Variants in PLSCR2 observed in about 807,000 individuals in gnomAD.
PLSCR2 encodes PL scramblase 2.
PLSCR2 carries 18 observed loss-of-function variants against 25.3 expected under a neutral mutation model. The ratio of observed to expected loss-of-function variants is 0.71; its 90% confidence interval spans 0.49 to 1.06. The LOEUF is 1.06. Among genes scored for constraint, PLSCR2 ranks in the 50% least tolerant of loss-of-function variants. The pLI, the probability that PLSCR2 is intolerant of heterozygous loss-of-function variation, is 0.00. For missense variants in PLSCR2, 243 were observed against 269.5 expected (o/e 0.90, Z 0.69); for synonymous variants, 88 against 87.3 (o/e 1.01, Z -0.04).
chr3:146,423,259 CT>C (rs2039216066), intron 2 of PLSCR2, among the ~76,000 whole-genome samples: 1 of 144,838 alleles, frequency 6.9e-6, no homozygotes, highest in Non-Finnish European at 1.5e-5. Context: ...CTCTCTCTCT[CT>C]CTCTCTCTCT....
intron 1 of PLSCR2, among the ~76,000 whole-genome samples, chr3:146,468,809 AAAAC>A (rs148467341): frequency 0.22 from 33,287 of 152,052 alleles, 3,955 homozygotes; most frequent in Admixed American, 0.32. Flanking sequence ...ATTTCGTTGA[AAAAC>A]AAACAAAAAA....
chr3:146,435,542 G>C (rs575573194), intron 8 of PLSCR2, among the ~76,000 whole-genome samples: 2 of 152,014 alleles, frequency 1.3e-5, no homozygotes, highest in South Asian at 2.1e-4. Flanking sequence ...GCATTTTTTC[G>C]TGTGTCTGTT....
At chr3:146,430,343 C>A (rs928588944), downstream of PLSCR2, among the ~76,000 whole-genome samples, 5 of 152,052 alleles carry the variant, frequency 3.3e-5, no homozygotes, top group African/African-American at 1.2e-4. Flanking sequence ...AAACACAGGG[C>A]TTGAAAGAGA....
chr3:146,412,597 C>T (rs749129207), intron 2 of PLSCR2, among the ~76,000 whole-genome samples: 79 of 152,082 alleles, frequency 5.2e-4, no homozygotes, highest in Non-Finnish European at 1.0e-3. Flanking sequence ...GTGCCACAAA[C>T]GAAATAGCAC....
chr3:146,439,421 G>C (rs1015394072), downstream of PLSCR2, among the ~76,000 whole-genome samples: 3 of 152,130 alleles, frequency 2.0e-5, no homozygotes, highest in Admixed American at 2.0e-4. Context: ...CCAATCAGAC[G>C]TGGATTTGGT....
chr3:146,436,447 C>A (rs1042708488), intron 8 of PLSCR2, among the ~76,000 whole-genome samples: 1 of 152,142 alleles, frequency 6.6e-6, no homozygotes, highest in African/African-American at 2.4e-5. Flanking sequence ...TCTTTTATTT[C>A]GTTGAGAAGT....
downstream of PLSCR2, among the ~76,000 whole-genome samples, chr3:146,437,452 C>T (rs1352406937): frequency 1.3e-5 from 2 of 152,078 alleles, no homozygotes; most frequent in Non-Finnish European, 2.9e-5. Context: ...ATTTCAGAAC[C>T]TGTTATTGGT....
At chr3:146,441,739 A>C (rs1251912667), downstream of PLSCR2, 1 of 1,345,296 alleles carries the variant, frequency 7.4e-7, no homozygotes, top group Non-Finnish European at 1.0e-6. Context: ...CAGACTTCAA[A>C]TTTTCTGAGG....
chr3:146,449,262 G>C (rs566667604), exon 6 of PLSCR2: 1 of 1,612,828 alleles, frequency 6.2e-7, no homozygotes, highest in East Asian at 2.2e-5. Flanking sequence ...AGGTCTCTAG[G>C]GAATTGGATT....
intron 2 of PLSCR2, among the ~76,000 whole-genome samples, chr3:146,404,120 T>C (rs7613954): frequency 0.26 from 39,402 of 152,048 alleles, 5,318 homozygotes; most frequent in Admixed American, 0.34. Context: ...AGGGACCACA[T>C]GCATCAGGGA....
chr3:146,484,829 C>CA (rs1434145501), intron 1 of PLSCR2, among the ~76,000 whole-genome samples: 1 of 152,030 alleles, frequency 6.6e-6, no homozygotes, highest in Non-Finnish European at 1.5e-5. Context: ...TTAGCTACTG[C>CA]AAAGACACAC....
chr3:146,424,177 G>A (rs1176319154), intron 2 of PLSCR2, among the ~76,000 whole-genome samples: 3 of 151,522 alleles, frequency 2.0e-5, no homozygotes, highest in African/African-American at 7.3e-5. Context: ...AGTTTCTGGT[G>A]AGAGCTCACT....
intron 8 of PLSCR2, among the ~76,000 whole-genome samples, chr3:146,434,544 TTA>T (rs1464787789): frequency 2.0e-5 from 3 of 151,892 alleles, no homozygotes; most frequent in South Asian, 2.1e-4. Flanking sequence ...ATGTAGACTT[TTA>T]TATATATATG....
At chr3:146,492,195 A>G (rs1453080274) in intron 1 of PLSCR2, among the ~76,000 whole-genome samples, 1 of 152,132 alleles carries the variant, frequency 6.6e-6, no homozygotes, top group African/African-American at 2.4e-5. Flanking sequence ...GAGATCAAAT[A>G]CTCACTGCAT....
At chr3:146,410,943 T>C (rs1478955223) in intron 2 of PLSCR2, among the ~76,000 whole-genome samples, 1 of 152,158 alleles carries the variant, frequency 6.6e-6, no homozygotes, top group Non-Finnish European at 1.5e-5. Context: ...TTAAGCCTTA[T>C]GAGGTCGCCA....
intron 2 of PLSCR2, among the ~76,000 whole-genome samples, chr3:146,422,885 T>A (rs1006466616): frequency 6.6e-6 from 1 of 152,024 alleles, no homozygotes; most frequent in Non-Finnish European, 1.5e-5. Context: ...GGGGTAAACC[T>A]GGTATAATAA....
At chr3:146,420,185 T>C (rs2039101997) in intron 2 of PLSCR2, among the ~76,000 whole-genome samples, 1 of 152,142 alleles carries the variant, frequency 6.6e-6, no homozygotes, top group South Asian at 2.1e-4. Flanking sequence ...TGACAAGTTT[T>C]ACCAGTATTC....
intron 1 of PLSCR2, among the ~76,000 whole-genome samples, chr3:146,481,313 T>A (rs188059175): frequency 6.0e-4 from 92 of 152,344 alleles, no homozygotes; most frequent in African/African-American, 2.2e-3. Context: ...GCAGATGACA[T>A]GATTGTATAT....
chr3:146,414,643 A>G (rs1445388790), intron 2 of PLSCR2, among the ~76,000 whole-genome samples: 1 of 151,592 alleles, frequency 6.6e-6, no homozygotes, highest in Non-Finnish European at 1.5e-5. Flanking sequence ...TTTTGGTTTC[A>G]TCCACATAAA....
Sources: allele counts gnomAD v4.1 joint callset (sites outside exome capture counted in the v4.1 genomes callset), GRCh38; gene constraint gnomAD v4.1.1; transcripts MANE v1.5; gene names NCBI Gene and HGNC (gene_info 2026-07-23, HGNC 2026-07-21).